SLC20A2: variants seen among roughly 807,000 people sequenced by gnomAD.
SLC20A2 encodes sodium-dependent phosphate transporter 2.
In SLC20A2, 30 loss-of-function variants were observed where a neutral mutation model predicts 61.0. The ratio of observed to expected loss-of-function variants is 0.49; its 90% CI spans 0.37 to 0.67. The LOEUF is 0.67. Among genes scored for constraint, SLC20A2 ranks in the 30% least tolerant of loss-of-function variants. SLC20A2 has a pLI of 0.00. For missense variants in SLC20A2, 626 were observed against 866.4 expected (o/e 0.72, Z 3.48); for synonymous variants, 351 against 353.3 (o/e 0.99, Z 0.07).
At chr8:42,481,543 C>T (rs1179053683) in intron 1 of SLC20A2, among the ~76,000 whole-genome samples, 2 of 152,110 alleles carry the variant, frequency 1.3e-5, no homozygotes, top group African/African-American at 4.8e-5. Flanking sequence ...AGAGAATGGA[C>T]TCACAAGAAT....
At chr8:42,418,814 C>T (rs944017882) in intron 10 of SLC20A2, among the ~76,000 whole-genome samples, 49 of 151,728 alleles carry the variant, frequency 3.2e-4, no homozygotes, top group African/African-American at 8.2e-4. Flanking sequence ...CTGGCTAACA[C>T]GGTGAAACCC....
Position 42,462,995 on chromosome 8 carries a change from C to A in SLC20A2, c.516+10G>T. 1 of 1,539,338 alleles carries A rather than the reference C, an allele frequency of 6.5e-7. No individual in the cohort carries two copies. Among genetic ancestry groups the A allele is most frequent in the Non-Finnish European group, 8.8e-7 (1 of 1,133,008 alleles). On this transcript the variant is annotated intron_variant, in intron 4 of 10. Transcript: ENST00000520262. Reference sequence around the variant, plus strand: ...CTTAAGATTTAATTAAAAGTAGCAGCCCCACTTACCTTTTTTAAGATGAAA... The same window carrying A: ...CTTAAGATTTAATTAAAAGTAGCAGACCCACTTACCTTTTTTAAGATGAAA...
At chr8:42,426,610 G>T (rs1803430862) in intron 10 of SLC20A2, among the ~76,000 whole-genome samples, 1 of 152,172 alleles carries the variant, frequency 6.6e-6, no homozygotes, top group South Asian at 2.1e-4. Flanking sequence ...CAGGAGAACT[G>T]CTTGAACTCA....
intron 1 of SLC20A2, chr8:42,541,739 C>T (rs1225545867): frequency 6.7e-6 from 1 of 149,130 alleles, no homozygotes; most frequent in Non-Finnish European, 1.5e-5. Flanking sequence ...TCTCCCGGTC[C>T]CCGGCGGGGC....
intron 8 of SLC20A2, among the ~76,000 whole-genome samples, chr8:42,434,866 G>C (rs1011824940): frequency 6.6e-6 from 1 of 152,200 alleles, no homozygotes. Flanking sequence ...GTGTGTGTGT[G>C]AATGTGCGTG....
chr8:42,466,636 G>GA (rs1210910074), intron 2 of SLC20A2, among the ~76,000 whole-genome samples: 2 of 152,034 alleles, frequency 1.3e-5, no homozygotes, highest in Non-Finnish European at 1.5e-5. Context: ...ATCTATATAA[G>GA]AGAGTATAAT....
At chr8:42,438,785 C>T (rs1433343000) in intron 7 of SLC20A2, among the ~76,000 whole-genome samples, 1 of 152,158 alleles carries the variant, frequency 6.6e-6, no homozygotes, top group Non-Finnish European at 1.5e-5. Context: ...GGCGCAATCT[C>T]GGCTCACTGC....
chr8:42,537,978 C>T (rs1434866561), intron 1 of SLC20A2: 2 of 152,104 alleles, frequency 1.3e-5, no homozygotes, highest in African/African-American at 2.4e-5. Flanking sequence ...GCTGTGTCTC[C>T]ATTTCTTCCT....
intron 6 of SLC20A2, among the ~76,000 whole-genome samples, chr8:42,444,154 T>C (rs1007086451): frequency 1.3e-5 from 2 of 152,228 alleles, no homozygotes; most frequent in Admixed American, 1.3e-4. Context: ...GTGAAATTAC[T>C]GGCTCACATG....
At chr8:42,429,659 C>T (rs887775228) in intron 9 of SLC20A2, among the ~76,000 whole-genome samples, 1 of 152,190 alleles carries the variant, frequency 6.6e-6, no homozygotes, top group African/African-American at 2.4e-5. Flanking sequence ...GAAAGTAACC[C>T]CAGCAGGGTG....
chr8:42,434,796 G>A (rs907243590), intron 8 of SLC20A2, among the ~76,000 whole-genome samples: 1 of 152,058 alleles, frequency 6.6e-6, no homozygotes, highest in Non-Finnish European at 1.5e-5. Flanking sequence ...GCAACTCTTC[G>A]CAATTCTACA....
chr8:42,430,135 T>C lies in SLC20A2; in HGVS notation c.1638A>G (p.Thr546=), dbSNP rs1803735475. The part of the protein sequence containing the change: ...LLFYGGVGIC[T]GLWVWGRRVI... Reference sequence around the variant, plus strand: ...CTCTTCTCCCCCAGACCCAGAGGCCTGTGCAGATTCCAACTCCTCCATAAA... The same window carrying C: ...CTCTTCTCCCCCAGACCCAGAGGCCCGTGCAGATTCCAACTCCTCCATAAA... The change falls in exon 9 of 11, where the codon ACA becomes ACG. Residue 546 remains threonine, a synonymous_variant. Transcript: ENST00000520262. 2 of 1,614,062 alleles carry C rather than the reference T, an allele frequency of 1.2e-6. No individual in the cohort carries two copies. The highest frequency in any genetic ancestry group is 2.2e-5 in the East Asian group (1 of 44,870).
Position 42,464,658 on chromosome 8 carries a change from T to C in SLC20A2, c.430+1119A>G, listed in dbSNP as rs375892701. On this transcript the variant is annotated intron_variant, in intron 3 of 10. Coordinates refer to ENST00000520262, the MANE Select transcript of SLC20A2 (RefSeq NM_001257180.2). ...TAGAGTTAAACAACTGTCCAGCACATAATAGTTCACTATCTCTATTAACAG... is the reference window on the plus strand; with the variant it reads ...TAGAGTTAAACAACTGTCCAGCACACAATAGTTCACTATCTCTATTAACAG... Among the ~76,000 whole-genome samples, 4 of 152,264 alleles carry C rather than the reference T, an allele frequency of 2.6e-5. No individual in the cohort carries two copies. The East Asian group carries it at 5.8e-4, about 22-fold the overall frequency.
rs1285006772 is a variant in SLC20A2 at position 42,472,403 on chromosome 8, G to C, written c.-13C>G. On this transcript the variant is annotated 5_prime_UTR_variant, in exon 2 of 11. Transcript: ENST00000520262. This position sits in a 1 kb window ranked among gnomAD's most constrained non-coding sequence, Gnocchi z 4.1. The stretch of plus-strand genomic sequence containing the variant: ...CATCCATGGCCATTTTGGAAAGTGG[G>C]TGCCGGGTACTTTTCTTTTGCAGGA... 2.9e-5 allele frequency: 46 copies of C among 1,604,630 alleles called. No individual in the cohort carries two copies. The highest frequency in any genetic ancestry group is 3.7e-5 in the Non-Finnish European group (43 of 1,173,812).
intron 1 of SLC20A2, among the ~76,000 whole-genome samples, chr8:42,532,627 CA>C (rs1413859404): frequency 6.6e-6 from 1 of 152,108 alleles, no homozygotes; most frequent in African/African-American, 2.4e-5. Flanking sequence ...AGGCAGACAA[CA>C]AATCCATCTA....
chr8:42,490,928 C>A (rs1809462394), intron 1 of SLC20A2, among the ~76,000 whole-genome samples: 1 of 150,554 alleles, frequency 6.6e-6, no homozygotes, highest in Admixed American at 6.7e-5. Flanking sequence ...TTTATAACTC[C>A]TAACACCTAC....
In SLC20A2 at chr8:42,531,113, T is replaced by C. The variant is rs184707968; in HGVS notation, c.-265+10708A>G. ...TGTACTGCTATCATTCACGTATTAA[T>C]ATTCCCTATTCAACTGTGAGCCTCC... is the stretch of plus-strand genomic sequence containing the variant. On this transcript the variant is annotated intron_variant, in intron 1 of 10. Coordinates refer to the SLC20A2 transcript ENST00000342228. 1.9e-3 allele frequency among the ~76,000 whole-genome samples: 294 copies of C among 152,324 alleles called. 1 individual carries two copies. The highest frequency in any genetic ancestry group is 4.2e-3 in the Admixed American group (64 of 15,290).
At chr8:42,428,546 C>T (rs1803590772) in intron 10 of SLC20A2, among the ~76,000 whole-genome samples, 1 of 152,214 alleles carries the variant, frequency 6.6e-6, no homozygotes, top group South Asian at 2.1e-4. Context: ...CTTGGAAAAG[C>T]CAGGTCTGAA....
intron 5 of SLC20A2, among the ~76,000 whole-genome samples, chr8:42,448,337 T>C (rs1001799584): frequency 6.6e-6 from 1 of 152,178 alleles, no homozygotes; most frequent in African/African-American, 2.4e-5. Context: ...ATTTTAAAAA[T>C]GAGTGAACGC....
Sources: gnomAD v4.1 joint callset for allele counts (sites outside exome capture counted in the v4.1 genomes callset) on GRCh38, gnomAD v4.1.1 for gene constraint, Gnocchi (gnomAD v3.1) non-coding constraint, MANE v1.5 for transcripts, NCBI Gene and HGNC (gene_info 2026-07-23, HGNC 2026-07-21) for gene names.